The following ANGPT1 variants were observed in gnomAD, a reference collection of about 807,000 sequenced individuals.
ANGPT1 encodes angiopoietin 1, also known as angiopoietin-1.
A neutral mutation model predicts 62.2 loss-of-function variants in ANGPT1; 17 were observed. That is an observed-to-expected ratio of 0.27 (90% CI 0.19 to 0.41). ANGPT1 has a LOEUF of 0.41. ANGPT1 is among the 10% of genes least tolerant of loss of function. The probability of loss-of-function intolerance (pLI) is 1.00; values close to 1 mark genes in which losing one functional copy is unlikely to be tolerated. For missense variants in ANGPT1, 478 were observed against 594.9 expected, an observed-to-expected ratio of 0.80 and a Z score of 2.04; for synonymous variants, 199 against 198.9, an observed-to-expected ratio of 1.00 and a Z score of 0.00.
At chr8:107,363,703 G>A (rs1385743201) in intron 1 of ANGPT1, among the ~76,000 whole-genome samples, 3 of 152,118 alleles carry the variant, frequency 2.0e-5, no homozygotes, top group Non-Finnish European at 2.9e-5. Context: ...CAAATGGGAA[G>A]AATGGGATTA....
intron 7 of ANGPT1, among the ~76,000 whole-genome samples, chr8:107,282,902 A>G (rs1300138322): frequency 6.6e-6 from 1 of 151,846 alleles, no homozygotes; most frequent in Middle Eastern, 3.2e-3. Flanking sequence ...TACACATCAT[A>G]CACTCCGAAG....
At chr8:107,303,455 C>A (rs1166356437) in intron 4 of ANGPT1, 88 bp from the exon 5 acceptor site, 1 of 1,123,760 alleles carries the variant, frequency 8.9e-7, no homozygotes, top group Non-Finnish European at 1.3e-6. Flanking sequence ...AGCATGTCTT[C>A]ATTTCCTCCA....
chr8:107,453,325 G>A (rs1056039365), intron 1 of ANGPT1, among the ~76,000 whole-genome samples: 1 of 151,952 alleles, frequency 6.6e-6, no homozygotes, highest in Admixed American at 6.6e-5. Flanking sequence ...GCTGCTGATA[G>A]AGACATACCT....
intron 1 of ANGPT1, among the ~76,000 whole-genome samples, chr8:107,417,006 G>C (rs1810768986): frequency 6.6e-6 from 1 of 151,966 alleles, no homozygotes; most frequent in African/African-American, 2.4e-5. Flanking sequence ...GGCCAGGATG[G>C]CCTCAAATTC....
intron 1 of ANGPT1, among the ~76,000 whole-genome samples, chr8:107,443,264 C>A (rs980125538): frequency 6.6e-6 from 1 of 152,028 alleles, no homozygotes; most frequent in Non-Finnish European, 1.5e-5. Flanking sequence ...CCAGTGAATA[C>A]CTTTGGTGAA....
At chr8:107,412,756 G>C (rs886698291) in intron 1 of ANGPT1, among the ~76,000 whole-genome samples, 6 of 152,050 alleles carry the variant, frequency 3.9e-5, no homozygotes, top group Non-Finnish European at 8.8e-5. Flanking sequence ...TTGTGTTGCT[G>C]GGTGCCATGG....
rs1296413767 is a variant in ANGPT1 at position 107,373,979 on chromosome 8, T to C, written c.298-26882A>G. Among the ~76,000 whole-genome samples the C allele has an allele frequency of 2.0e-5, 3 of 152,220 alleles. No individual in the cohort carries two copies. In the East Asian group the frequency reaches 5.8e-4, roughly 29 times the overall value. ...TTCTTTCTCCAGTGAAAGTCAGCTGTTTGGTTCCCTTTCCAAAGAATTTCT... is the reference window on the plus strand; with the variant it reads ...TTCTTTCTCCAGTGAAAGTCAGCTGCTTGGTTCCCTTTCCAAAGAATTTCT... On this transcript the variant is annotated intron_variant, in intron 1 of 8. Transcript: ENST00000517746.
chr8:107,384,165 G>T (rs931775048), intron 1 of ANGPT1, among the ~76,000 whole-genome samples: 1 of 152,026 alleles, frequency 6.6e-6, no homozygotes. Context: ...TGAATGATTC[G>T]TTTGACTCAG....
intron 6 of ANGPT1, among the ~76,000 whole-genome samples, chr8:107,289,519 A>G (rs1347403899): frequency 6.6e-6 from 1 of 152,180 alleles, no homozygotes; most frequent in Non-Finnish European, 1.5e-5. Context: ...TGTGGCTTTC[A>G]GGGCACTTTC....
chr8:107,416,230 C>T (rs1375262242), intron 1 of ANGPT1, among the ~76,000 whole-genome samples: 1 of 152,146 alleles, frequency 6.6e-6, no homozygotes, highest in African/African-American at 2.4e-5. Flanking sequence ...AAGTTAGGGC[C>T]TCTGGAACTT....
intron 1 of ANGPT1, among the ~76,000 whole-genome samples, chr8:107,384,905 G>GT (rs796245584): frequency 6.6e-5 from 10 of 152,154 alleles, no homozygotes; most frequent in African/African-American, 2.4e-4. Context: ...GTTTTTGTTG[G>GT]TTTTGTCAAA....
chr8:107,434,360 C>T (rs181177641), intron 1 of ANGPT1, among the ~76,000 whole-genome samples: 1 of 152,136 alleles, frequency 6.6e-6, no homozygotes, highest in Admixed American at 6.5e-5. Context: ...GACATCATTG[C>T]GTGGACAACT....
Position 107,261,263 on chromosome 8 carries a change from T to A in ANGPT1, c.1336+2958A>T, listed in dbSNP as rs575380529. On this transcript the variant is annotated intron_variant, in intron 8 of 8. Coordinates refer to ENST00000517746, the MANE Select transcript of ANGPT1 (RefSeq NM_001146.5). ...AGGAAAAAGCTCAAGACCTACCTTGTGTGTACCATTTAAAAAAAAATATTA... is the reference window on the plus strand; with the variant it reads ...AGGAAAAAGCTCAAGACCTACCTTGAGTGTACCATTTAAAAAAAAATATTA... 3.8e-5 allele frequency among the ~76,000 whole-genome samples: 3 copies of A among 78,874 alleles called. No individual in the cohort carries two copies. The South Asian group carries it at 1.3e-3, about 35-fold the overall frequency. The allele number at this position is 78,874 out of a possible 152,430, so 51.7% of individuals were successfully genotyped here.
chr8:107,491,277 G>A (rs1046904018), intron 1 of ANGPT1, among the ~76,000 whole-genome samples: 2 of 152,126 alleles, frequency 1.3e-5, no homozygotes, highest in Admixed American at 6.6e-5. Context: ...GTTCTACCAT[G>A]TGTCATCCAC....
intron 1 of ANGPT1, among the ~76,000 whole-genome samples, chr8:107,414,951 G>T (rs1050805476): frequency 2.0e-5 from 3 of 152,066 alleles, no homozygotes; most frequent in African/African-American, 7.2e-5. Context: ...ATTAAAAAAT[G>T]GCTTTGAACA....
At chr8:107,448,848 T>C (rs1811687895) in intron 1 of ANGPT1, among the ~76,000 whole-genome samples, 1 of 152,136 alleles carries the variant, frequency 6.6e-6, no homozygotes, top group Non-Finnish European at 1.5e-5. Flanking sequence ...AGGAAAGACA[T>C]AGCCAGAACT....
intron 6 of ANGPT1, among the ~76,000 whole-genome samples, chr8:107,287,865 G>C (rs543670484): frequency 6.6e-6 from 1 of 152,260 alleles, no homozygotes; most frequent in Non-Finnish European, 1.5e-5. Context: ...AAGGTTTTGA[G>C]AATAAAATTG....
chr8:107,254,964 T>C (rs1288275493), intron 8 of ANGPT1, among the ~76,000 whole-genome samples: 1 of 152,102 alleles, frequency 6.6e-6, no homozygotes, highest in Non-Finnish European at 1.5e-5. Context: ...AAAGCCATCC[T>C]GAGCATATGT....
intron 1 of ANGPT1, among the ~76,000 whole-genome samples, chr8:107,356,707 G>A (rs544583931): frequency 6.6e-6 from 1 of 152,356 alleles, no homozygotes; most frequent in South Asian, 2.1e-4. Context: ...AGCTGTGCTT[G>A]CTTAGGCAAG....
Sources: allele counts gnomAD v4.1 joint callset (sites outside exome capture counted in the v4.1 genomes callset), GRCh38; gene constraint gnomAD v4.1.1; transcripts MANE v1.5; gene names NCBI Gene and HGNC (gene_info 2026-07-23, HGNC 2026-07-21).